R3HCC1: variants seen among roughly 807,000 people sequenced by gnomAD.
R3HCC1 encodes the protein R3H domain and coiled-coil containing 1, also known as R3H and coiled-coil domain-containing protein 1.
Under a neutral mutation model 40.0 loss-of-function variants are expected in R3HCC1, and 32 were observed. That is an observed-to-expected ratio of 0.80 (90% CI 0.60 to 1.07). R3HCC1 has a LOEUF of 1.07. Among genes scored for constraint, R3HCC1 ranks in the 50% least tolerant of loss-of-function variants. The probability of loss-of-function intolerance (pLI) is 0.00; values close to 1 mark genes in which losing one functional copy is unlikely to be tolerated. For missense variants in R3HCC1, 586 were observed against 563.3 expected, an observed-to-expected ratio of 1.04 and a Z score of -0.41; for synonymous variants, 237 against 232.8, an observed-to-expected ratio of 1.02 and a Z score of -0.17.
Position 23,289,004 on chromosome 8 carries a change from C to T in R3HCC1, c.111-12C>T, listed in dbSNP as rs1278314405. 1.3e-6 allele frequency: 2 copies of T among 1,536,386 alleles called. No individual in the cohort carries two copies. The highest frequency in any genetic ancestry group is 1.2e-5 in the South Asian group (1 of 84,034). The stretch of plus-strand genomic sequence containing the variant: ...GGACACCTGCTCAGCACTTCTTCCC[C>T]TCCCTCCCCAGGGTTCTTCTTTTCC... On this transcript the variant is annotated splice_polypyrimidine_tract_variant and intron_variant, in intron 2 of 7. Coordinates refer to ENST00000265806, the MANE Select transcript of R3HCC1 (RefSeq NM_001136108.3).
chr8:23,290,218 A>T lies in R3HCC1; in HGVS notation c.601A>T (p.Arg201Trp). Residue 201 changes from arginine to tryptophan, a missense_variant, in exon 4 of 8, where the codon AGG becomes TGG. Physicochemically the swap from Arg to Trp is moderately radical, Grantham distance 101. Coordinates refer to ENST00000265806, the MANE Select transcript of R3HCC1 (RefSeq NM_001136108.3). ...AGAGGACCTAAAGGGCCCAGGACAA[A>T]GGTGTGAGAATGAGCCACTGCTGGA... The T allele has an allele frequency of 6.4e-7, 1 of 1,551,726 alleles. No homozygotes were observed. Among genetic ancestry groups the T allele is most frequent in the Non-Finnish European group, 8.7e-7 (1 of 1,146,984 alleles).
chr8:23,289,284 C>T (rs1802808355), intron 3 of R3HCC1, 131 bp downstream of exon 3: 3 of 1,004,590 alleles, frequency 3.0e-6, no homozygotes, highest in African/African-American at 1.6e-5. Flanking sequence ...TTCCTAGCTG[C>T]AGCTGCTCAG....
chr8:23,296,118 C>T lies in R3HCC1; in HGVS notation c.*21C>T. The stretch of plus-strand genomic sequence containing the variant: ...CCTGAGGCCTGGAGACCCAACTGGC[C>T]TGGATCTGCGTCCCGACGTAGCTGG... On this transcript the variant is annotated 3_prime_UTR_variant, in exon 8 of 8. Coordinates refer to ENST00000265806, the MANE Select transcript of R3HCC1 (RefSeq NM_001136108.3). 6.5e-7 allele frequency: 1 copy of T among 1,543,464 alleles called. No homozygotes were observed. Among genetic ancestry groups the T allele is most frequent in the Admixed American group, 2.0e-5 (1 of 49,774 alleles).
intron 1 of R3HCC1, 121 bp downstream of exon 1, chr8:23,288,278 G>A: frequency 8.8e-7 from 1 of 1,130,790 alleles, no homozygotes; most frequent in South Asian, 1.6e-5. Flanking sequence ...AGCGCAGGGT[G>A]TGGAGCCACC....
Position 23,288,171 on chromosome 8 carries a change from C to T in R3HCC1, c.-19+14C>T, listed in dbSNP as rs919977622. On this transcript the variant is annotated intron_variant, in intron 1 of 7. Coordinates refer to ENST00000265806, the MANE Select transcript of R3HCC1 (RefSeq NM_001136108.3). ...CGAGAGGCCGCGGTGAGTGCAGCAG[C>T]ACTGGGGGGGTGGTCGTCCCGACCC... 7.7e-5 allele frequency: 94 copies of T among 1,218,534 alleles called. No homozygotes were observed. In the African/African-American group the frequency reaches 1.2e-3, roughly 16 times the overall value. 75.5% of individuals were successfully genotyped at this position (1,218,534 alleles called of 1,614,324 possible). A position where few individuals can be genotyped will look rare whatever the true frequency, so the allele number is the denominator to read the frequency against.
rs1467728903 is a variant in R3HCC1 at position 23,290,109 on chromosome 8, C to G, written c.492C>G (p.Gly164=). The G allele has an allele frequency of 6.4e-7, 1 of 1,550,976 alleles. No individual in the cohort carries two copies. Among genetic ancestry groups the G allele is most frequent in the Non-Finnish European group, 8.7e-7 (1 of 1,147,000 alleles). Reference sequence around the variant, plus strand: ...TGCTCAAGAGAGAGGCCCCAGCTGGCAGGGACCCAGAAGAGCCTGGAGATG... The same window carrying G: ...TGCTCAAGAGAGAGGCCCCAGCTGGGAGGGACCCAGAAGAGCCTGGAGATG... Residue 164 remains glycine, a synonymous_variant, in exon 4 of 8, where the codon GGC becomes GGG. Coordinates refer to ENST00000265806, the MANE Select transcript of R3HCC1 (RefSeq NM_001136108.3).
At chr8:23,288,381 C>A in intron 1 of R3HCC1, 125 bp from the exon 2 acceptor site, 1 of 1,355,196 alleles carries the variant, frequency 7.4e-7, no homozygotes. Flanking sequence ...TCCCTGGCAT[C>A]ACTTCCCCGC....
At chr8:23,295,940 G>T (rs1390125370) in intron 7 of R3HCC1, 27 bp from the exon 8 acceptor site, 1 of 1,538,324 alleles carries the variant, frequency 6.5e-7, no homozygotes, top group Admixed American at 2.0e-5. Context: ...TTGTGTTTAG[G>T]TCCCCACTGT....
In R3HCC1 at chr8:23,288,489, GCC is replaced by G; in HGVS notation, c.-18-15_-18-14del. On this transcript the variant is annotated splice_polypyrimidine_tract_variant and intron_variant, in intron 1 of 7. Coordinates refer to ENST00000265806, the MANE Select transcript of R3HCC1 (RefSeq NM_001136108.3). ...GGTCTGTGCTCTGATTCCCGGCCCT[GCC>G]CGTCTCTCTTACAGGCTCTCCCACC... 6.5e-7 allele frequency: 1 copy of G among 1,535,644 alleles called. No individual in the cohort carries two copies. The highest frequency in any genetic ancestry group is 8.7e-7 in the Non-Finnish European group (1 of 1,146,590).
rs555802428 is a variant in R3HCC1, at chr8:23,289,933, G to C, written c.316G>C (p.Gly106Arg). The C allele has an allele frequency of 1.3e-6, 2 of 1,535,940 alleles. No individual in the cohort carries two copies. Among genetic ancestry groups the C allele is most frequent in the East Asian group, 2.4e-5 (1 of 40,938 alleles). The change falls in exon 4 of 8, where the codon GGT becomes CGT. Residue 106 changes from glycine to arginine, a missense_variant. Transcript: ENST00000265806. The stretch of plus-strand genomic sequence containing the variant: ...TGCCTCCTGCCCCAGCAGGTACCAC[G>C]GTCCTCGGCCCATCTCCAACCAAGG...
chr8:23,296,138 A>C lies in R3HCC1; in HGVS notation c.*41A>C. On this transcript the variant is annotated 3_prime_UTR_variant, in exon 8 of 8. Coordinates refer to ENST00000265806, the MANE Select transcript of R3HCC1 (RefSeq NM_001136108.3). Reference sequence around the variant, plus strand: ...CTGGCCTGGATCTGCGTCCCGACGTAGCTGGCGCCCCCAACACCATAAGCC... The same window carrying C: ...CTGGCCTGGATCTGCGTCCCGACGTCGCTGGCGCCCCCAACACCATAAGCC... The C allele has an allele frequency of 6.5e-7, 1 of 1,529,852 alleles. No individual in the cohort carries two copies. The highest frequency in any genetic ancestry group is 8.8e-7 in the Non-Finnish European group (1 of 1,136,156). 94.8% of individuals were successfully genotyped at this position (1,529,852 alleles called of 1,614,324 possible).
At position 23,291,600 on chromosome 8, in the gene R3HCC1, G is replaced by T; in HGVS notation, c.1025+67G>T. ...AAGATACTTCTCTGTAGCTGGGGGT[G>T]CTTGCCTGCCCCACACCCAGTGCCT... On this transcript the variant is annotated intron_variant, in intron 5 of 7. Transcript: ENST00000265806. 3 of 1,531,254 alleles carry T rather than the reference G, an allele frequency of 2.0e-6. No individual in the cohort carries two copies. In the South Asian group the frequency reaches 3.6e-5, roughly 18 times the overall value. 94.9% of individuals were successfully genotyped at this position (1,531,254 alleles called of 1,614,324 possible).
rs1375615754 is a variant in R3HCC1 at position 23,295,832 on chromosome 8, G to A, written c.1193-135G>A. 13 of 1,278,290 alleles carry A rather than the reference G, an allele frequency of 1.0e-5. 1 individual carries two copies. In the South Asian group the frequency reaches 1.6e-4, roughly 16 times the overall value. 79.2% of individuals were successfully genotyped at this position (1,278,290 alleles called of 1,614,324 possible). Reference sequence around the variant, plus strand: ...TCTCATGAGCATCCGGCCACACCACGGGCACAGCTGGGCCGAGGCCCCACA... The same window carrying A: ...TCTCATGAGCATCCGGCCACACCACAGGCACAGCTGGGCCGAGGCCCCACA... On this transcript the variant is annotated intron_variant, in intron 7 of 7. Coordinates refer to ENST00000265806, the MANE Select transcript of R3HCC1 (RefSeq NM_001136108.3).
intron 6 of R3HCC1, among the ~76,000 whole-genome samples, chr8:23,294,296 C>T (rs993682935): frequency 6.6e-6 from 1 of 152,236 alleles, no homozygotes; most frequent in Non-Finnish European, 1.5e-5. Context: ...TCAGTTTCCT[C>T]TTCTGTAGAA....
Position 23,290,460 on chromosome 8 carries a change from G to A in R3HCC1, c.843G>A (p.Leu281=). 1.3e-6 allele frequency: 2 copies of A among 1,548,968 alleles called. No individual in the cohort carries two copies. The highest frequency in any genetic ancestry group is 1.7e-6 in the Non-Finnish European group (2 of 1,145,528). Residue 281 remains leucine, a synonymous_variant, in exon 4 of 8, where the codon CTG becomes CTA. Transcript: ENST00000265806. ...GCTCGGAGGACGATTACAGTGAGCT[G>A]CTGCAGGAGGTGATGAGGCTCTTGA...
At position 23,295,967 on chromosome 8, in the gene R3HCC1, A is replaced by G; in HGVS notation, c.1193A>G (p.Lys398Arg). The change falls in exon 8 of 8, where the codon AAA becomes AGA. Residue 398 changes from lysine to arginine, a missense_variant and splice_region_variant. Coordinates refer to ENST00000265806, the MANE Select transcript of R3HCC1 (RefSeq NM_001136108.3). ...CCCCACTGTGGGGCTTTCCTTCTAG[A>G]ACTCCTGCGTCTGGTGAAGGAGAGG... is the stretch of plus-strand genomic sequence containing the variant. 1.3e-6 allele frequency: 2 copies of G among 1,548,546 alleles called. No homozygotes were observed. Among genetic ancestry groups the G allele is most frequent in the Non-Finnish European group, 1.7e-6 (2 of 1,145,660 alleles).
chr8:23,291,186 G>A (rs543981035), intron 4 of R3HCC1, 175 bp from the exon 5 acceptor site: 89 of 816,036 alleles, frequency 1.1e-4, no homozygotes, highest in South Asian at 7.8e-4. Flanking sequence ...GTGCCCTCCC[G>A]TAAAACCCAT....
rs908920662 is a variant in R3HCC1 at position 23,288,496 on chromosome 8, T to A, written c.-18-10T>A. ...GCTCTGATTCCCGGCCCTGCCCGTCTCTCTTACAGGCTCTCCCACCTGTCA... is the reference window on the plus strand; with the variant it reads ...GCTCTGATTCCCGGCCCTGCCCGTCACTCTTACAGGCTCTCCCACCTGTCA... On this transcript the variant is annotated splice_polypyrimidine_tract_variant and intron_variant, in intron 1 of 7. Coordinates refer to ENST00000265806, the MANE Select transcript of R3HCC1 (RefSeq NM_001136108.3). 15 of 1,535,662 alleles carry A rather than the reference T, an allele frequency of 9.8e-6. No individual in the cohort carries two copies. The African/African-American group carries it at 1.9e-4, about 20-fold the overall frequency.
Position 23,289,862 on chromosome 8 carries a change from C to G in R3HCC1, c.249-4C>G. The G allele has an allele frequency of 2.0e-6, 3 of 1,498,524 alleles. No individual in the cohort carries two copies. Among genetic ancestry groups the G allele is most frequent in the Non-Finnish European group, 2.7e-6 (3 of 1,127,198 alleles). The allele number at this position is 1,498,524 out of a possible 1,614,324, so 92.8% of individuals were successfully genotyped here. A position where few individuals can be genotyped will look rare whatever the true frequency, so the allele number is the denominator to read the frequency against. On this transcript the variant is annotated splice_region_variant and splice_polypyrimidine_tract_variant and intron_variant, in intron 3 of 7. Transcript: ENST00000265806. ...CTGATTACCTCCTCCCATTCCTGCT[C>G]CAGGGTACCCAGTTCGGATGGCCTC... is the stretch of plus-strand genomic sequence containing the variant.
Sources: allele counts gnomAD v4.1 joint callset (sites outside exome capture counted in the v4.1 genomes callset), GRCh38; gene constraint gnomAD v4.1.1; transcripts MANE v1.5; gene names NCBI Gene and HGNC (gene_info 2026-07-23, HGNC 2026-07-21).